Variants in STEAP4 observed in about 807,000 individuals in gnomAD.
The protein encoded by STEAP4 is metalloreductase STEAP4.
STEAP4 carries 36 observed loss-of-function variants against 43.6 expected under a neutral mutation model. That is an observed-to-expected ratio of 0.83 (90% confidence interval 0.63 to 1.09). The LOEUF is 1.09. Among genes scored for constraint, STEAP4 ranks in the 50% least tolerant of loss-of-function variants. The pLI is 0.00. For missense variants in STEAP4, 495 were observed against 546.5 expected (o/e 0.91, Z 0.94); for synonymous variants, 191 against 196.7 (o/e 0.97, Z 0.24).
intron 1 of STEAP4, among the ~76,000 whole-genome samples, chr7:88,299,044 T>C (rs1852982574): frequency 6.6e-6 from 1 of 152,192 alleles, no homozygotes; most frequent in African/African-American, 2.4e-5. Context: ...GAACTAACTA[T>C]GTCATATGCG....
chr7:88,283,796 A>T lies in STEAP4; in HGVS notation c.456+18T>A. On this transcript the variant is annotated intron_variant, in intron 2 of 4. Transcript: ENST00000380079. The stretch of plus-strand genomic sequence containing the variant: ...GATTCATGTTTTAAAGATTGAGTGT[A>T]AATTTGTTTATTCTTACCTGCCGAC... 1.9e-6 allele frequency: 3 copies of T among 1,594,958 alleles called. No individual in the cohort carries two copies. The highest frequency in any genetic ancestry group is 1.1e-5 in the South Asian group (1 of 88,894).
chr7:88,279,590 G>T lies in STEAP4; in HGVS notation c.1188C>A (p.Ala396=), dbSNP rs773684426. The T allele has an allele frequency of 1.2e-6, 2 of 1,613,676 alleles. No individual in the cohort carries two copies. Among genetic ancestry groups the T allele is most frequent in the Non-Finnish European group, 1.7e-6 (2 of 1,179,912 alleles). ...TCTTCCCACCGTACACCAGGGTGTG[G>T]GCTGTACACAAGATCAGGGTCAAAT... ...LGYLTLILCT[A]HTLVYGGKRF... The change falls in exon 5 of 5, where the codon GCC becomes GCA. Residue 396 remains alanine (A), a synonymous_variant. Coordinates refer to ENST00000380079, the MANE Select transcript of STEAP4 (RefSeq NM_024636.4).
intron 1 of STEAP4, among the ~76,000 whole-genome samples, chr7:88,297,667 G>T (rs1353511221): frequency 6.6e-6 from 1 of 152,036 alleles, no homozygotes; most frequent in Non-Finnish European, 1.5e-5. Flanking sequence ...CTTAAATCAA[G>T]CTGAGACCTG....
intron 1 of STEAP4, among the ~76,000 whole-genome samples, chr7:88,305,693 A>AC (rs1409277780): frequency 1.3e-5 from 2 of 152,218 alleles, no homozygotes; most frequent in Non-Finnish European, 2.9e-5. Context: ...ATTATGAAAA[A>AC]AGTAACCACT....
chr7:88,301,133 T>C (rs1853026880), intron 1 of STEAP4, among the ~76,000 whole-genome samples: 1 of 152,234 alleles, frequency 6.6e-6, no homozygotes, highest in African/African-American at 2.4e-5. Context: ...CAGAGGCAAC[T>C]GGCACACTTT....
In STEAP4 at chr7:88,286,085, T is replaced by C. The variant is rs530683403; in HGVS notation, c.-2-1814A>G. On this transcript the variant is annotated intron_variant, in intron 1 of 4. Transcript: ENST00000380079. ...TTCAAGAGCACCTGTCAAAGTTTTATAGCTGATTATAAAACCATCTCCTAA... is the reference window on the plus strand; with the variant it reads ...TTCAAGAGCACCTGTCAAAGTTTTACAGCTGATTATAAAACCATCTCCTAA... Among the ~76,000 whole-genome samples the C allele has an allele frequency of 2.6e-5, 4 of 152,338 alleles. No homozygotes were observed. The South Asian group carries it at 6.2e-4, about 24-fold the overall frequency.
At chr7:88,279,980 A>G (rs1852590039) in intron 4 of STEAP4, among the ~76,000 whole-genome samples, 1 of 152,200 alleles carries the variant, frequency 6.6e-6, no homozygotes, top group South Asian at 2.1e-4. Context: ...TCAGAGATGA[A>G]TATGACACAG....
rs1272849019 is a variant in STEAP4, at chr7:88,278,293, T to A, written c.*1105A>T. 1 of 152,206 alleles carries A rather than the reference T, an allele frequency of 6.6e-6. No homozygotes were observed. The highest frequency in any genetic ancestry group is 2.4e-5 in the African/African-American group (1 of 41,452). The allele number at this position is 152,206 out of a possible 1,614,324, so 9.4% of individuals were successfully genotyped here. On this transcript the variant is annotated 3_prime_UTR_variant, in exon 5 of 5. Transcript: ENST00000380079. ...ATTTGAGAAAGATCCAAATTTCACA[T>A]AATGATGAATCTTCACACCTCTCTG...
chr7:88,300,782 T>A (rs78953150), intron 1 of STEAP4, among the ~76,000 whole-genome samples: 1,548 of 152,322 alleles, frequency 0.01, 26 homozygotes, highest in African/African-American at 0.036. Flanking sequence ...TGGGAAAATA[T>A]TTGGGCTGAT....
chr7:88,292,863 T>C (rs1316537417), intron 1 of STEAP4: 2 of 152,184 alleles, frequency 1.3e-5, no homozygotes, highest in Non-Finnish European at 2.9e-5. Flanking sequence ...ATTCTTCCAT[T>C]TTATTGCCGA....
intron 1 of STEAP4, among the ~76,000 whole-genome samples, chr7:88,306,283 C>T (rs995239871): frequency 6.6e-6 from 1 of 152,226 alleles, no homozygotes; most frequent in African/African-American, 2.4e-5. Context: ...ATTTACTCTT[C>T]ACAATAAATT....
intron 1 of STEAP4, among the ~76,000 whole-genome samples, chr7:88,287,773 A>C (rs1309265779): frequency 6.6e-6 from 1 of 152,076 alleles, no homozygotes; most frequent in African/African-American, 2.4e-5. Flanking sequence ...GGAAGGTCAG[A>C]CTCTTGTAGC....
intron 1 of STEAP4, among the ~76,000 whole-genome samples, chr7:88,297,576 G>A (rs1244626111): frequency 6.6e-6 from 1 of 152,058 alleles, no homozygotes; most frequent in African/African-American, 2.4e-5. Context: ...CAATATTTGG[G>A]ACACATTTGT....
chr7:88,289,760 C>G (rs1852805401), intron 1 of STEAP4, among the ~76,000 whole-genome samples: 1 of 152,170 alleles, frequency 6.6e-6, no homozygotes. Context: ...AAGGTCATGA[C>G]CACATGTGGG....
chr7:88,286,112 G>A (rs1368269993), intron 1 of STEAP4, among the ~76,000 whole-genome samples: 3 of 152,270 alleles, frequency 2.0e-5, no homozygotes, highest in Non-Finnish European at 1.5e-5. Flanking sequence ...ATCTCCTAAA[G>A]AGGACCAAAT....
intron 1 of STEAP4, among the ~76,000 whole-genome samples, chr7:88,291,561 GT>G (rs1343136388): frequency 6.6e-6 from 1 of 151,932 alleles, no homozygotes; most frequent in African/African-American, 2.4e-5. Context: ...CAAGTTGAGG[GT>G]GCATTTTGCA....
chr7:88,290,241 T>A (rs890452339), intron 1 of STEAP4: 5 of 152,238 alleles, frequency 3.3e-5, no homozygotes, highest in Admixed American at 6.5e-5. Flanking sequence ...ATAAATTTTT[T>A]AATGAAGATA....
chr7:88,281,108 C>A, intron 3 of STEAP4, 29 bp from the exon 4 acceptor site: 1 of 1,500,276 alleles, frequency 6.7e-7, no homozygotes, highest in Non-Finnish European at 8.9e-7. Flanking sequence ...AATTACAAAA[C>A]TACATTTTTA....
chr7:88,292,261 A>T (rs1380174316), intron 1 of STEAP4: 2 of 151,946 alleles, frequency 1.3e-5, no homozygotes, highest in Non-Finnish European at 2.9e-5. Flanking sequence ...TCCCATGAGG[A>T]TGTTAGAGCC....
Sources: gnomAD v4.1 joint callset for allele counts (sites outside exome capture counted in the v4.1 genomes callset) on GRCh38, gnomAD v4.1.1 for gene constraint, MANE v1.5 for transcripts, NCBI Gene and HGNC (gene_info 2026-07-23, HGNC 2026-07-21) for gene names.